Variants in ADAMTS10 observed in about 807,000 individuals in gnomAD.
ADAMTS10 encodes A disintegrin and metalloproteinase with thrombospondin motifs 10.
A neutral mutation model predicts 135.9 loss-of-function variants in ADAMTS10; 48 were observed. The observed-to-expected ratio is 0.35, with a 90% CI of 0.28 to 0.45. The LOEUF is 0.45. ADAMTS10 is among the 20% of genes least tolerant of loss of function. ADAMTS10 has a pLI of 1.00. For synonymous variants in ADAMTS10, 621 were observed against 647.5 expected, an observed-to-expected ratio of 0.96 and a Z score of 0.62; for missense variants, 1,131 against 1,565.2, an observed-to-expected ratio of 0.72 and a Z score of 4.68.
At chr19:8,589,806 G>C in intron 16 of ADAMTS10, 83 bp downstream of exon 16, 8 of 1,479,410 alleles carry the variant, frequency 5.4e-6, no homozygotes, top group Non-Finnish European at 6.5e-6. Flanking sequence ...GCAGACCCCG[G>C]GATGCTGCAT....
chr19:8,581,130 C>CTTTT lies in ADAMTS10; in HGVS notation c.3203-132_3203-129dup, dbSNP rs369050914. ...CTTGGTTTCTTTCTTTTTAAATTTA[C>CTTTT]TTTTTTTTTTTTTTTTTTTTTTTTT... On this transcript the variant is annotated intron_variant, in intron 25 of 25. Transcript: ENST00000597188. 4.4e-3 allele frequency: 653 copies of CTTTT among 147,136 alleles called. 46 individuals are homozygous for CTTTT. Among genetic ancestry groups the CTTTT allele is most frequent in the Admixed American group, 6.4e-3 (38 of 5,906 alleles). The allele number at this position is 147,136 out of a possible 1,614,324, so 9.1% of individuals were successfully genotyped here.
At position 8,585,256 on chromosome 19, in the gene ADAMTS10, C is replaced by T. The variant is rs782288071; in HGVS notation, c.2918G>A (p.Ser973Asn). Residue 973 changes from serine to asparagine, a missense_variant, in exon 24 of 26, where the codon AGC (serine) becomes AAC (asparagine). Around this residue, in one of 3 missense-constraint regions of ADAMTS10, gnomAD observed 745 missense variants for 1,056.3 expected, o/e 0.71. Coordinates refer to ENST00000597188, the MANE Select transcript of ADAMTS10 (RefSeq NM_030957.4). ...GGGCAGCGTGGCGCGGTGGTCTGCG[C>T]TCTTGCAAAGGACCACGCGGTGGCG... ...GLRHRVVLCK[S>N]ADHRATLPPA... 1 of 1,493,986 alleles carries T rather than the reference C, an allele frequency of 6.7e-7. No homozygotes were observed. Among genetic ancestry groups the T allele is most frequent in the Admixed American group, 2.1e-5 (1 of 47,798 alleles). The allele number at this position is 1,493,986 out of a possible 1,614,324, so 92.5% of individuals were successfully genotyped here.
At chr19:8,602,475 C>T (rs7247304) in intron 5 of ADAMTS10, among the ~76,000 whole-genome samples, 36,115 of 151,938 alleles carry the variant, frequency 0.24, 5,122 homozygotes, top group East Asian at 0.75. Context: ...TGTGCCACCA[C>T]GCCTGGCTAA....
rs782777529 is a variant in ADAMTS10 at position 8,595,867 on chromosome 19, G to A, written c.1374C>T (p.Pro458=). Residue 458 remains proline, a synonymous_variant, in exon 12 of 26, where the codon CCC becomes CCT. Coordinates refer to ENST00000597188, the MANE Select transcript of ADAMTS10 (RefSeq NM_030957.4). The part of the protein sequence containing the change: ...GLGLCLNNRP[P]RQDFVYPTVA... ...CTGTCGGGTACACAAAGTCCTGTCT[G>A]GGGGGCCGGTTGTTCAGGCAGAGCC... 3.7e-6 allele frequency: 6 copies of A among 1,614,030 alleles called. No homozygotes were observed. In the African/African-American group the frequency reaches 8.0e-5, roughly 22 times the overall value.
chr19:8,594,491 AAAGG>A (rs1262274338), intron 12 of ADAMTS10, among the ~76,000 whole-genome samples: 16 of 152,192 alleles, frequency 1.1e-4, no homozygotes, highest in Admixed American at 3.3e-4. Context: ...TCAAAAACTA[AAAGG>A]AAGGCTCAAT....
At chr19:8,607,783 T>A (rs888094713) in intron 2 of ADAMTS10, among the ~76,000 whole-genome samples, 2 of 151,398 alleles carry the variant, frequency 1.3e-5, no homozygotes, top group Admixed American at 1.3e-4. Context: ...TGGGCTAATG[T>A]CCATTCCTTC....
At chr19:8,598,092 G>C (rs147582190) in intron 6 of ADAMTS10, among the ~76,000 whole-genome samples, 2 of 152,152 alleles carry the variant, frequency 1.3e-5, no homozygotes, top group African/African-American at 4.8e-5. Context: ...GGGATCACAG[G>C]TGTGAGCCAC....
At chr19:8,593,943 C>A (rs544771881) in intron 12 of ADAMTS10, among the ~76,000 whole-genome samples, 2 of 152,292 alleles carry the variant, frequency 1.3e-5, no homozygotes, top group Non-Finnish European at 2.9e-5. Flanking sequence ...TGAGAGATAC[C>A]TGTACATATG....
chr19:8,586,807 T>A lies in ADAMTS10; in HGVS notation c.2239+9A>T. ...CCTAATCCTCATCCCCTCCCCACCA[T>A]CTGCTCACCCAAGTGACTGAGAGAG... is the stretch of plus-strand genomic sequence containing the variant. On this transcript the variant is annotated intron_variant, in intron 19 of 25. Coordinates refer to ENST00000597188, the MANE Select transcript of ADAMTS10 (RefSeq NM_030957.4). The A allele has an allele frequency of 1.2e-6, 2 of 1,614,068 alleles. No homozygotes were observed. The highest frequency in any genetic ancestry group is 1.7e-6 in the Non-Finnish European group (2 of 1,180,000).
Position 8,592,090 on chromosome 19 carries a change from C to T in ADAMTS10, c.1601G>A (p.Arg534Gln). 6.2e-7 allele frequency: 1 copy of T among 1,613,744 alleles called. No individual in the cohort carries two copies. Among genetic ancestry groups the T allele is most frequent in the Non-Finnish European group, 8.5e-7 (1 of 1,179,988 alleles). Residue 534 changes from arginine to glutamine, a missense_variant, in exon 14 of 26, where the codon CGG becomes CAG. Around this residue, in one of 3 missense-constraint regions of ADAMTS10, gnomAD observed 745 missense variants for 1,056.3 expected, o/e 0.71. Transcript: ENST00000597188. Reference protein sequence around the residue: ...HTIDKGWCYKRVCVPFGSRPE... With the variant: ...HTIDKGWCYKQVCVPFGSRPE... ...GCGCGACCCAAAGGGGACACAGACC[C>T]GTTTGTAGCACCACTGGGTGGGGGG...
intron 6 of ADAMTS10, among the ~76,000 whole-genome samples, chr19:8,600,691 G>A (rs535589223): frequency 3.3e-5 from 5 of 151,926 alleles, no homozygotes; most frequent in East Asian, 1.9e-4. Flanking sequence ...GTAGAGATGG[G>A]GTTTCACCGT....
At chr19:8,602,671 G>A (rs1317302559) in intron 5 of ADAMTS10, among the ~76,000 whole-genome samples, 3 of 152,036 alleles carry the variant, frequency 2.0e-5, no homozygotes, top group South Asian at 2.1e-4. Flanking sequence ...TGTTGCCCAC[G>A]CTGGAGTGCA....
chr19:8,606,780 G>A (rs1396508444), intron 2 of ADAMTS10, among the ~76,000 whole-genome samples: 1 of 152,098 alleles, frequency 6.6e-6, no homozygotes, highest in African/African-American at 2.4e-5. Context: ...GGTGGACGGG[G>A]GCATGACAGC....
chr19:8,603,642 G>C, intron 5 of ADAMTS10, 86 bp downstream of exon 5: 5 of 1,577,504 alleles, frequency 3.2e-6, no homozygotes, highest in Non-Finnish European at 4.3e-6. Context: ...ATAACTGCCT[G>C]CTGACTTTCT....
At chr19:8,591,756 A>T in intron 15 of ADAMTS10, 44 bp downstream of exon 15, 1 of 1,610,258 alleles carries the variant, frequency 6.2e-7, no homozygotes. Context: ...AGCTGTTTTT[A>T]ATGCTTCCTC....
chr19:8,609,858 G>A (rs552568229), intron 1 of ADAMTS10, among the ~76,000 whole-genome samples: 1 of 151,810 alleles, frequency 6.6e-6, no homozygotes, highest in Non-Finnish European at 1.5e-5. Flanking sequence ...AAAGACGCAG[G>A]ACGCCTCCAC....
Position 8,595,792 on chromosome 19 carries a change from A to T in ADAMTS10, c.1449T>A (p.His483Gln). The change falls in exon 12 of 26, where the codon CAT becomes CAA. Residue 483 changes from histidine to glutamine, a missense_variant. By Grantham distance (24) the His-to-Gln change is conservative (BLOSUM62 0). Around this residue, in one of 3 missense-constraint regions of ADAMTS10, gnomAD observed 745 missense variants for 1,056.3 expected, o/e 0.71. Transcript: ENST00000597188. ...ATTTACACTGACGCGATTTGACTCC[A>T]TGCTGAAAGCGGCATTGCTCATCTG... The part of the protein sequence containing the change: ...YDADEQCRFQ[H>Q]GVKSRQCKYG... 1.2e-6 allele frequency: 2 copies of T among 1,611,576 alleles called. No homozygotes were observed.
chr19:8,596,108 T>C lies in ADAMTS10; in HGVS notation c.1302A>G (p.Ser434=). 1 of 1,614,216 alleles carries C rather than the reference T, an allele frequency of 6.2e-7. No individual in the cohort carries two copies. Among genetic ancestry groups the C allele is most frequent in the Admixed American group, 1.7e-5 (1 of 60,028 alleles). The part of the protein sequence containing the change: ...ITMKTNPFVW[S]SCSRDYITSF... ...TGGTGATGTAGTCACGGCTGCAGGA[T>C]GACCACACGAATGGGTTGGTCTTCA... Residue 434 remains serine (S), a synonymous_variant, in exon 11 of 26, where the codon TCA becomes TCG. Transcript: ENST00000597188. This position sits in a 1 kb window ranked among gnomAD's most constrained non-coding sequence, Gnocchi z 7.2.
At chr19:8,581,304 A>G (rs2146027204) in intron 25 of ADAMTS10, 1 of 215,792 alleles carries the variant, frequency 4.6e-6, no homozygotes, top group Middle Eastern at 1.8e-3. Context: ...CTCAACTATC[A>G]AAGGGGGCTT....
Sources: gnomAD v4.1 joint callset for allele counts (sites outside exome capture counted in the v4.1 genomes callset) on GRCh38, gnomAD v4.1.1 for gene constraint, gnomAD v4.1.1 regional missense constraint, Gnocchi (gnomAD v3.1) non-coding constraint, MANE v1.5 for transcripts, NCBI Gene and HGNC (gene_info 2026-07-23, HGNC 2026-07-21) for gene names.